Variants in PLCB4 observed in about 807,000 individuals in gnomAD.
PLCB4 encodes phospholipase C beta 4, also known as 1-phosphatidylinositol 4,5-bisphosphate phosphodiesterase beta-4.
Under a neutral mutation model 178.8 loss-of-function variants are expected in PLCB4, and 77 were observed. The observed-to-expected ratio is 0.43, with a 90% CI of 0.36 to 0.52. The LOEUF is 0.52. PLCB4 is among the 20% of genes least tolerant of loss of function. The pLI is 0.00. For synonymous variants in PLCB4, 496 were observed against 490.8 expected (o/e 1.01, Z -0.14); for missense variants, 1,024 against 1,453.4 (o/e 0.70, Z 4.80).
At chr20:9,378,896 A>G (rs960299229) in intron 12 of PLCB4, among the ~76,000 whole-genome samples, 1 of 152,126 alleles carries the variant, frequency 6.6e-6, no homozygotes. Context: ...CACTTTTCCA[A>G]TGCCCATTCC....
intron 8 of PLCB4, among the ~76,000 whole-genome samples, chr20:9,363,271 T>C (rs545534359): frequency 2.0e-5 from 3 of 152,302 alleles, no homozygotes; most frequent in East Asian, 1.9e-4. Context: ...TGTCCCCAGA[T>C]TGAGTTTTCT....
intron 2 of PLCB4, among the ~76,000 whole-genome samples, chr20:9,190,748 T>C (rs372529040): frequency 7.9e-5 from 12 of 152,262 alleles, no homozygotes; most frequent in African/African-American, 2.9e-4. Flanking sequence ...AGAGCTTGGT[T>C]TGAACATTTT....
At chr20:9,182,163 TA>T (rs1440100175) in intron 2 of PLCB4, among the ~76,000 whole-genome samples, 1 of 152,218 alleles carries the variant, frequency 6.6e-6, no homozygotes, top group Non-Finnish European at 1.5e-5. Context: ...CAATAAGAAT[TA>T]CCTTGTTGAA....
At chr20:9,465,018 A>G (rs2043669988) in intron 35 of PLCB4, among the ~76,000 whole-genome samples, 1 of 152,248 alleles carries the variant, frequency 6.6e-6, no homozygotes, top group East Asian at 1.9e-4. Context: ...ATGAACATCC[A>G]TGCAAAAATC....
chr20:9,070,859 A>G (rs1285432047), intron 1 of PLCB4, among the ~76,000 whole-genome samples: 2 of 152,178 alleles, frequency 1.3e-5, no homozygotes, highest in African/African-American at 2.4e-5. Flanking sequence ...CTCTGAATTA[A>G]TCGCTGTTGA....
chr20:9,156,205 C>T (rs1340856768), intron 2 of PLCB4, among the ~76,000 whole-genome samples: 3 of 152,172 alleles, frequency 2.0e-5, no homozygotes, highest in Admixed American at 1.3e-4. Flanking sequence ...GTGGGCAGCT[C>T]TTTAACACTG....
At chr20:9,195,206 G>T in intron 2 of PLCB4, among the ~76,000 whole-genome samples, 1 of 152,128 alleles carries the variant, frequency 6.6e-6, no homozygotes, top group East Asian at 1.9e-4. Context: ...GTGGAACTGG[G>T]GCTTATCACA....
rs74420131 is a variant in PLCB4 at position 9,221,470 on chromosome 20, G to T, written c.-16+4018G>T. 8.7e-3 allele frequency among the ~76,000 whole-genome samples: 1,318 copies of T among 152,328 alleles called. 23 individuals are homozygous for T. The highest frequency in any genetic ancestry group is 0.03 in the African/African-American group (1,264 of 41,568). On this transcript the variant is annotated intron_variant, in intron 3 of 39. Coordinates refer to ENST00000378473, the MANE Select transcript of PLCB4 (RefSeq NM_001377142.1). ...CACACAAGACGATTAAAGGGACCCA[G>T]TGTTATCTGGGCAGGACACTAGAGT...
chr20:9,381,063 A>G lies in PLCB4; in HGVS notation c.853+901A>G, dbSNP rs537547350. Among the ~76,000 whole-genome samples, 5 of 152,246 alleles carry G rather than the reference A, an allele frequency of 3.3e-5. No individual in the cohort carries two copies. The East Asian group carries it at 5.8e-4, about 18-fold the overall frequency. On this transcript the variant is annotated intron_variant, in intron 13 of 39. Coordinates refer to ENST00000378473, the MANE Select transcript of PLCB4 (RefSeq NM_001377142.1). ...CACCCCTGATATTTTTCCAAGCCCAATAGTTTTCCCTTTAGTTGTAGTTGT... is the reference window on the plus strand; with the variant it reads ...CACCCCTGATATTTTTCCAAGCCCAGTAGTTTTCCCTTTAGTTGTAGTTGT...
Position 9,389,912 on chromosome 20 carries a change from G to A in PLCB4, c.1192G>A (p.Val398Ile), listed in dbSNP as rs1439999966. 1.3e-6 allele frequency: 2 copies of A among 1,580,866 alleles called. No homozygotes were observed. The highest frequency in any genetic ancestry group is 1.7e-6 in the Non-Finnish European group (2 of 1,152,742). ...TCAAGCCATCAAGGAAACTGCATTT[G>A]TCACATCAGAATATCCTGTAATTCT... is the stretch of plus-strand genomic sequence containing the variant. ...VIQAIKETAF[V>I]TSEYPVILSF... The change falls in exon 16 of 40, where the codon GTC becomes ATC. Residue 398 changes from valine (V) to isoleucine (I), a missense_variant. Val to Ile is a conservative substitution (Grantham distance 29). Around this residue, in one of 7 missense-constraint regions of PLCB4, gnomAD observed 263 missense variants for 417.4 expected, o/e 0.63. Transcript: ENST00000378473.
chr20:9,386,783 A>G (rs540126327), intron 14 of PLCB4, among the ~76,000 whole-genome samples: 5 of 147,896 alleles, frequency 3.4e-5, no homozygotes. Flanking sequence ...AGCATTAGAT[A>G]TATCTCCTAA....
intron 3 of PLCB4, among the ~76,000 whole-genome samples, chr20:9,272,920 G>T (rs2094418146): frequency 1.4e-5 from 2 of 145,254 alleles, no homozygotes; most frequent in Admixed American, 6.8e-5. Context: ...TACCTACCTT[G>T]GTACCTAGCA....
chr20:9,280,976 C>T (rs2094490471), intron 3 of PLCB4, among the ~76,000 whole-genome samples: 1 of 151,430 alleles, frequency 6.6e-6, no homozygotes, highest in East Asian at 1.9e-4. Flanking sequence ...AGGTATACCA[C>T]ATTTATGTAA....
At chr20:9,199,324 C>G (rs2093512812) in intron 2 of PLCB4, among the ~76,000 whole-genome samples, 1 of 152,124 alleles carries the variant, frequency 6.6e-6, no homozygotes, top group African/African-American at 2.4e-5. Context: ...CCTACCCTCC[C>G]CATCCCAACA....
chr20:9,149,709 C>A (rs2092658896), intron 2 of PLCB4, among the ~76,000 whole-genome samples: 1 of 151,526 alleles, frequency 6.6e-6, no homozygotes, highest in African/African-American at 2.5e-5. Context: ...GTTTCTTAAC[C>A]TGAGACTGAC....
chr20:9,312,386 A>ACACACACACACGCACGCACT (rs2094845933), intron 4 of PLCB4, among the ~76,000 whole-genome samples: 1 of 146,574 alleles, frequency 6.8e-6, no homozygotes, highest in East Asian at 1.9e-4. Flanking sequence ...ACACACACAC[A>ACACACACACACGCACGCACT]CACACACACA....
intron 30 of PLCB4, 151 bp downstream of exon 30, chr20:9,437,303 C>T (rs1271554168): frequency 3.0e-6 from 2 of 675,052 alleles, no homozygotes; most frequent in Non-Finnish European, 4.8e-6. Context: ...TCCCCACTCT[C>T]TTCCAGACCC....
intron 7 of PLCB4, among the ~76,000 whole-genome samples, chr20:9,345,255 C>CTT (rs577510091): frequency 6.7e-6 from 1 of 149,922 alleles, no homozygotes; most frequent in Non-Finnish European, 1.5e-5. Flanking sequence ...AAATAAAGCT[C>CTT]TTTTTTTTTT....
intron 3 of PLCB4, among the ~76,000 whole-genome samples, chr20:9,259,815 A>T (rs1476266257): frequency 1.3e-5 from 2 of 152,138 alleles, no homozygotes; most frequent in African/African-American, 2.4e-5. Context: ...GAAAAAAAAG[A>T]ATGTAGAATA....
Sources: allele counts gnomAD v4.1 joint callset (sites outside exome capture counted in the v4.1 genomes callset), GRCh38; gene constraint gnomAD v4.1.1; regional missense constraint gnomAD v4.1.1; transcripts MANE v1.5; gene names NCBI Gene and HGNC (gene_info 2026-07-23, HGNC 2026-07-21).